The following IL13RA2 variants were observed in gnomAD, a reference collection of about 807,000 sequenced individuals.
IL13RA2 encodes interleukin-13 receptor subunit alpha-2.
IL13RA2 carries 25 observed loss-of-function variants against 34.1 expected under a neutral mutation model. That is an observed-to-expected ratio of 0.73 (90% CI 0.53 to 1.03). The LOEUF is 1.03. IL13RA2 is among the 50% of genes least tolerant of loss of function. The pLI, the probability that IL13RA2 is intolerant of heterozygous loss-of-function variation, is 0.00. For missense variants in IL13RA2, 297 were observed against 280.9 expected (o/e 1.06, Z -0.41); for synonymous variants, 106 against 100.4 (o/e 1.06, Z -0.33).
chrX:115,011,473 G>A (rs17095050), intron 5 of IL13RA2, among the ~76,000 whole-genome samples: 5,594 of 111,571 alleles, frequency 0.05, 340 homozygotes, highest in African/African-American at 0.17. Context: ...AAAGGAACTA[G>A]GAGTGATTCC....
At chrX:115,013,175 G>A (rs1237362744) in intron 5 of IL13RA2, among the ~76,000 whole-genome samples, 1 of 110,917 alleles carries the variant, frequency 9.0e-6, no homozygotes, top group East Asian at 2.8e-4. Flanking sequence ...TGGAAGGGGA[G>A]AGATTGGGAG....
intron 9 of IL13RA2, among the ~76,000 whole-genome samples, chrX:115,004,452 G>A (rs1248203679): frequency 9.6e-6 from 1 of 103,835 alleles, no homozygotes; most frequent in Non-Finnish European, 2.0e-5. Flanking sequence ...ATTTTTTATA[G>A]AGATGGAGTC....
In IL13RA2 at chrX:115,015,670, C is replaced by T; in HGVS notation, c.246G>A (p.Lys82=). Residue 82 remains lysine, a splice_region_variant and synonymous_variant, in exon 3 of 10, where the codon AAG becomes AAA. Transcript: ENST00000243213. ...KYRNIGSETW[K]TIITKNLHYK... ...TACGGCAAATGCATGCTTTACTTAC[C>T]TTCCATGTTTCACTACCAATGTTTC... 1 of 1,200,924 alleles carries T rather than the reference C, an allele frequency of 8.3e-7. No individual in the cohort carries two copies. Among genetic ancestry groups the T allele is most frequent in the Non-Finnish European group, 1.1e-6 (1 of 886,077 alleles).
intron 3 of IL13RA2, 143 bp downstream of exon 3, chrX:115,015,527 T>C: frequency 6.0e-6 from 3 of 499,112 alleles, no homozygotes; most frequent in Non-Finnish European, 1.1e-5. Flanking sequence ...GCAGGATGCA[T>C]AGGAGACAGA....
At chrX:115,011,373 T>C (rs1445317798) in intron 5 of IL13RA2, among the ~76,000 whole-genome samples, 1 of 111,772 alleles carries the variant, frequency 8.9e-6, no homozygotes, top group Admixed American at 9.5e-5. Flanking sequence ...GAAGGAGTTG[T>C]TTGGCAAGTA....
At chrX:115,008,567 G>A (rs1556508199) in intron 7 of IL13RA2, among the ~76,000 whole-genome samples, 2 of 111,235 alleles carry the variant, frequency 1.8e-5, no homozygotes, top group South Asian at 3.8e-4. Flanking sequence ...TAAGAATAAG[G>A]AAAACCTACA....
At chrX:115,010,584 G>T in intron 6 of IL13RA2, 60 bp downstream of exon 6, 1 of 513,437 alleles carries the variant, frequency 1.9e-6, no homozygotes, top group Non-Finnish European at 3.2e-6. Flanking sequence ...CCTCTCAAGT[G>T]GTTGTAAATG....
At chrX:115,006,084 A>G (rs1490093747) in intron 8 of IL13RA2, among the ~76,000 whole-genome samples, 1 of 111,589 alleles carries the variant, frequency 9.0e-6, no homozygotes, top group Non-Finnish European at 1.9e-5. Flanking sequence ...CTTGTTTTCT[A>G]TTAGAAAATT....
At position 115,004,055 on chromosome X, in the gene IL13RA2, C is replaced by A; in HGVS notation, c.*25G>T. 1 of 962,821 alleles carries A rather than the reference C, an allele frequency of 1.0e-6. No individual in the cohort carries two copies. The highest frequency in any genetic ancestry group is 1.5e-6 in the Non-Finnish European group (1 of 674,874). The allele number at this position is 962,821 out of a possible 1,213,427, so 79.3% of individuals were successfully genotyped here. ...ATGACTGGAAACTGTTGAGTCAATA[C>A]CATGTCTCTTGATATGGAAAGTCTT... On this transcript the variant is annotated 3_prime_UTR_variant, in exon 10 of 10. Coordinates refer to ENST00000243213, the MANE Select transcript of IL13RA2 (RefSeq NM_000640.3).
chrX:115,012,745 A>G (rs1556508902), intron 5 of IL13RA2, among the ~76,000 whole-genome samples: 1 of 107,903 alleles, frequency 9.3e-6, no homozygotes, highest in African/African-American at 3.5e-5. Flanking sequence ...AGCCTGTGTG[A>G]CAGAGGGAGA....
Position 115,017,100 on chromosome X carries a change from A to G in IL13RA2, c.94+76T>C, listed in dbSNP as rs189795216. On this transcript the variant is annotated intron_variant, in intron 2 of 9. Transcript: ENST00000243213. ...CACTTCCATAAGGCAGGTCAAAAAG[A>G]CAGTTAATTTTCCATTAAAATCCAT... 2.2e-3 allele frequency: 1,302 copies of G among 579,135 alleles called. 2 individuals carry two copies. Among genetic ancestry groups the G allele is most frequent in the Non-Finnish European group, 2.9e-3 (989 of 337,362 alleles). The allele number at this position is 579,135 out of a possible 1,213,427, so 47.7% of individuals were successfully genotyped here.
intron 9 of IL13RA2, among the ~76,000 whole-genome samples, chrX:115,004,743 A>AT (rs1224469402): frequency 8.9e-6 from 1 of 111,781 alleles, no homozygotes; most frequent in African/African-American, 3.2e-5. Flanking sequence ...CAAAGGTTAT[A>AT]TTTTTTTGTA....
chrX:115,006,221 T>C (rs1433061532), intron 8 of IL13RA2, among the ~76,000 whole-genome samples: 2 of 112,312 alleles, frequency 1.8e-5, no homozygotes, highest in African/African-American at 3.2e-5. Context: ...GAAGTTCTAC[T>C]GGCTTTCCCC....
intron 8 of IL13RA2, among the ~76,000 whole-genome samples, chrX:115,007,072 G>A (rs1365174838): frequency 8.9e-6 from 1 of 111,899 alleles, no homozygotes; most frequent in Non-Finnish European, 1.9e-5. Flanking sequence ...TGAGGGTAGA[G>A]ATTTCTTTAC....
At chrX:115,014,662 A>G in intron 3 of IL13RA2, 88 bp from the exon 4 acceptor site, 1 of 590,582 alleles carries the variant, frequency 1.7e-6, no homozygotes, top group Non-Finnish European at 2.6e-6. Flanking sequence ...AATCATTAAT[A>G]CCCTGGAGAG....
At chrX:115,016,492 T>C (rs782772399) in intron 2 of IL13RA2, among the ~76,000 whole-genome samples, 39 of 109,116 alleles carry the variant, frequency 3.6e-4, no homozygotes, top group Middle Eastern at 4.8e-3. Context: ...ATCTCTGTGC[T>C]CATGTACGCC....
chrX:115,010,425 A>G (rs1452527866), intron 6 of IL13RA2, among the ~76,000 whole-genome samples: 1 of 111,640 alleles, frequency 9.0e-6, no homozygotes, highest in Non-Finnish European at 1.9e-5. Context: ...CCTTTATTAA[A>G]TTTCTTATCT....
chrX:115,010,569 C>G (rs1981447589), intron 6 of IL13RA2, 75 bp downstream of exon 6: 1 of 483,734 alleles, frequency 2.1e-6, no homozygotes, highest in Non-Finnish European at 3.5e-6. Context: ...TTTTCTCTCT[C>G]TCACCCTCTC....
At chrX:115,016,686 T>A (rs781945256) in intron 2 of IL13RA2, among the ~76,000 whole-genome samples, 1 of 106,658 alleles carries the variant, frequency 9.4e-6, no homozygotes, top group South Asian at 3.8e-4. Flanking sequence ...ATAATTTTAA[T>A]TAATTAATAA....
Sources: gnomAD v4.1 joint callset for allele counts (sites outside exome capture counted in the v4.1 genomes callset) on GRCh38, gnomAD v4.1.1 for gene constraint, MANE v1.5 for transcripts, NCBI Gene and HGNC (gene_info 2026-07-23, HGNC 2026-07-21) for gene names.